Variants in MICA observed in about 807,000 individuals in gnomAD.
The protein encoded by MICA is MHC class I polypeptide-related sequence A.
A neutral mutation model predicts 34.3 loss-of-function variants in MICA; 18 were observed. The ratio of observed to expected loss-of-function variants is 0.52; its 90% CI spans 0.36 to 0.78. MICA has a LOEUF of 0.78. Among genes scored for constraint, MICA ranks in the 30% least tolerant of loss-of-function variants. The probability of loss-of-function intolerance (pLI) is 0.00; values close to 1 mark genes in which losing one functional copy is unlikely to be tolerated. For synonymous variants in MICA, 135 were observed against 156.9 expected, an observed-to-expected ratio of 0.86 and a Z score of 1.04; for missense variants, 333 against 409.4, an observed-to-expected ratio of 0.81 and a Z score of 1.61.
In MICA at chr6:31,403,827, G is replaced by C; in HGVS notation, c.70+125G>C. 1.2e-6 allele frequency: 1 copy of C among 850,502 alleles called. No individual in the cohort carries two copies. Among genetic ancestry groups the C allele is most frequent in the Non-Finnish European group, 1.8e-6 (1 of 569,974 alleles). The allele number at this position is 850,502 out of a possible 1,614,324, so 52.7% of individuals were successfully genotyped here. On this transcript the variant is annotated intron_variant, in intron 1 of 5. Transcript: ENST00000449934. This position sits in a 1 kb window ranked among gnomAD's most constrained non-coding sequence, Gnocchi z 4.7. ...TCCTGTGCCCTGTCGGTGGCGCAGG[G>C]AGCTGGACGCGGCCCGTTACCGCCA...
rs1063630 is a variant in MICA, at chr6:31,410,581, T to G, written c.109T>G (p.Trp37Gly). 0.19 allele frequency: 301,335 copies of G among 1,612,920 alleles called. 33,962 individuals are homozygous for G. Among genetic ancestry groups the G allele is most frequent in the African/African-American group, 0.37 (27,686 of 74,696 alleles). The change falls in exon 2 of 6, where the codon TGG becomes GGG. Residue 37 changes from tryptophan to glycine, a missense_variant. Transcript: ENST00000449934. Reference protein sequence around the residue: ...SLRYNLTVLSWDGSVQSGFLA... With the variant: ...SLRYNLTVLSGDGSVQSGFLA... ...TCGTTATAACCTCACGGTGCTGTCCTGGGATGGATCTGTGCAGTCAGGGTT... is the reference window on the plus strand; with the variant it reads ...TCGTTATAACCTCACGGTGCTGTCCGGGGATGGATCTGTGCAGTCAGGGTT...
At chr6:31,410,868 C>G (rs17200235) in intron 2 of MICA, 71 bp downstream of exon 2, 5 of 1,506,458 alleles carry the variant, frequency 3.3e-6, no homozygotes, top group Admixed American at 4.3e-5. Context: ...AGAGCAGGGA[C>G]CTGTCTCTTC....
intron 5 of MICA, among the ~76,000 whole-genome samples, chr6:31,412,991 G>A (rs1337797822): frequency 5.9e-5 from 9 of 151,602 alleles, no homozygotes; most frequent in Non-Finnish European, 8.8e-5. Flanking sequence ...ATGAGGCCCA[G>A]CCTGGGGGCC....
Position 31,412,126 on chromosome 6 carries a change from C to A in MICA, c.793C>A (p.Gln265Lys), listed in dbSNP as rs771582156. ...CCTGCCTGATGGGAATGGAACCTAC[C>A]AGACCTGGGTGGCCACCAGGATTTG... ...DVLPDGNGTY[Q>K]TWVATRICRG... Residue 265 changes from glutamine to lysine, a missense_variant, in exon 4 of 6, where the codon CAG becomes AAG. Physicochemically the swap from Gln to Lys is moderately conservative, Grantham distance 53 (BLOSUM62 1). Coordinates refer to ENST00000449934, the MANE Select transcript of MICA (RefSeq NM_001177519.3). The A allele has an allele frequency of 1.2e-6, 2 of 1,612,986 alleles. No individual in the cohort carries two copies. Among genetic ancestry groups the A allele is most frequent in the Non-Finnish European group, 1.7e-6 (2 of 1,179,916 alleles).
chr6:31,403,477 C>T (rs1403442116), upstream of MICA: 4 of 574,792 alleles, frequency 7.0e-6, no homozygotes, highest in South Asian at 2.5e-5. This position sits in a 1 kb window ranked among gnomAD's most constrained non-coding sequence, Gnocchi z 4.7. Flanking sequence ...CTCTTCCAAG[C>T]GTGGCCCCGC....
upstream of MICA, among the ~76,000 whole-genome samples, chr6:31,403,131 GC>G (rs1329647456): frequency 1.3e-5 from 2 of 151,872 alleles, no homozygotes; most frequent in Non-Finnish European, 2.9e-5. This position sits in a 1 kb window ranked among gnomAD's most constrained non-coding sequence, Gnocchi z 4.7. Flanking sequence ...TGGTCTCATT[GC>G]CAGTAACGCT....
chr6:31,412,526 G>C (rs1053521173), intron 5 of MICA, 66 bp downstream of exon 5: 12 of 1,004,034 alleles, frequency 1.2e-5, no homozygotes, highest in Admixed American at 5.2e-5. Context: ...TCCCCTCATT[G>C]CTCCTGCAAA....
rs1188647529 is a variant in MICA, at chr6:31,410,789, A to G, written c.317A>G (p.Gln106Arg). ...ATGACCCTGGCTCATATCAAGGACC[A>G]GAAAGAAGGTGAGAGTCGGCAGGGG... ...LRMTLAHIKD[Q>R]KEGLHSLQEI... Residue 106 changes from glutamine (Q) to arginine (R), a missense_variant, in exon 2 of 6, where the codon CAG becomes CGG. Physicochemically the swap from Gln to Arg is conservative, Grantham distance 43. Coordinates refer to ENST00000449934, the MANE Select transcript of MICA (RefSeq NM_001177519.3). 1 of 1,564,356 alleles carries G rather than the reference A, an allele frequency of 6.4e-7. No individual in the cohort carries two copies. The highest frequency in any genetic ancestry group is 8.7e-7 in the Non-Finnish European group (1 of 1,154,392).
chr6:31,412,319 T>C lies in MICA; in HGVS notation c.893-6T>C. On this transcript the variant is annotated splice_region_variant and splice_polypyrimidine_tract_variant and intron_variant, in intron 4 of 5. Transcript: ENST00000449934. The stretch of plus-strand genomic sequence containing the variant: ...GCCCAGTGTATAACAAGTCCCTTTT[T>C]TTCAGGGAAAGTGCTGGTGCTTCAG... 1 of 1,604,488 alleles carries C rather than the reference T, an allele frequency of 6.2e-7. No homozygotes were observed. The highest frequency in any genetic ancestry group is 8.5e-7 in the Non-Finnish European group (1 of 1,177,052).
chr6:31,411,044 T>C lies in MICA; in HGVS notation c.326-28T>C. On this transcript the variant is annotated intron_variant, in intron 2 of 5. Transcript: ENST00000449934. This position sits in a 1 kb window ranked among gnomAD's most constrained non-coding sequence, Gnocchi z 4.3. ...GGTGGAAAGGTGATGGGTTCGGGAA[T>C]GGAGAAGTCACTGCTGGGTGGGGGC... 1 of 1,551,914 alleles carries C rather than the reference T, an allele frequency of 6.4e-7. No individual in the cohort carries two copies. Among genetic ancestry groups the C allele is most frequent in the South Asian group, 1.2e-5 (1 of 82,582 alleles).
At chr6:31,407,793 A>T (rs2113736383) in intron 1 of MICA, among the ~76,000 whole-genome samples, 1 of 152,004 alleles carries the variant, frequency 6.6e-6, no homozygotes, top group South Asian at 2.1e-4. Context: ...TGATCTGCAA[A>T]CAAGGATAAT....
upstream of MICA, among the ~76,000 whole-genome samples, chr6:31,401,340 C>A (rs1264116702): frequency 6.6e-6 from 1 of 151,776 alleles, no homozygotes; most frequent in Non-Finnish European, 1.5e-5. Flanking sequence ...TGTTAAAATT[C>A]TCGAATACAT....
At position 31,411,471 on chromosome 6, in the gene MICA, G is replaced by C; in HGVS notation, c.613+112G>C. On this transcript the variant is annotated intron_variant, in intron 3 of 5. Transcript: ENST00000449934. This position sits in a 1 kb window ranked among gnomAD's most constrained non-coding sequence, Gnocchi z 4.3. The stretch of plus-strand genomic sequence containing the variant: ...TGTGCTATGGATGAAGGCATTTCCT[G>C]TTGGCACATCGTGTCCTGATTTTCC... 1 of 1,098,298 alleles carries C rather than the reference G, an allele frequency of 9.1e-7. No individual in the cohort carries two copies. Among genetic ancestry groups the C allele is most frequent in the Non-Finnish European group, 1.3e-6 (1 of 787,084 alleles). The allele number at this position is 1,098,298 out of a possible 1,614,324, so 68.0% of individuals were successfully genotyped here.
At chr6:31,414,809 G>A (rs1002630625) in intron 5 of MICA, among the ~76,000 whole-genome samples, 25 of 151,990 alleles carry the variant, frequency 1.6e-4, no homozygotes, top group Admixed American at 5.9e-4. Context: ...CACAGGGCAC[G>A]GGCTGATGTT....
At chr6:31,412,514 G>A in intron 5 of MICA, 54 bp downstream of exon 5, 1 of 1,144,444 alleles carries the variant, frequency 8.7e-7, no homozygotes, top group South Asian at 1.4e-5. Flanking sequence ...TGGGCAGTAG[G>A]GTCCCCTCAT....
chr6:31,410,838 T>C, intron 2 of MICA, 41 bp downstream of exon 2: 2 of 1,535,822 alleles, frequency 1.3e-6, no homozygotes, highest in Admixed American at 2.0e-5. Flanking sequence ...AGAGGCCTTT[T>C]CCAGAAAAGT....
chr6:31,409,321 G>A (rs951696681), intron 1 of MICA, among the ~76,000 whole-genome samples: 2 of 151,496 alleles, frequency 1.3e-5, no homozygotes, highest in African/African-American at 4.9e-5. Context: ...GTGTGTGTGT[G>A]TATGTGTGTG....
At chr6:31,406,986 G>A (rs1441262028) in intron 1 of MICA, among the ~76,000 whole-genome samples, 1 of 151,870 alleles carries the variant, frequency 6.6e-6, no homozygotes, top group African/African-American at 2.4e-5. Flanking sequence ...CAGATAATGT[G>A]ATTCCTCTAG....
rs748431723 is a variant in MICA at position 31,412,474 on chromosome 6, G to A, written c.*29+14G>A. On this transcript the variant is annotated intron_variant, in intron 5 of 5. Coordinates refer to ENST00000449934, the MANE Select transcript of MICA (RefSeq NM_001177519.3). Reference sequence around the variant, plus strand: ...CAGAGGGTCCAGGTGAGAAAAGCGGGCAGTTTCTGGAGATGGTAAGGCCCC... The same window carrying A: ...CAGAGGGTCCAGGTGAGAAAAGCGGACAGTTTCTGGAGATGGTAAGGCCCC... 1.0e-4 allele frequency: 152 copies of A among 1,521,488 alleles called. No homozygotes were observed. The highest frequency in any genetic ancestry group is 1.3e-4 in the Non-Finnish European group (147 of 1,118,496). 94.2% of individuals were successfully genotyped at this position (1,521,488 alleles called of 1,614,324 possible). A position where few individuals can be genotyped will look rare whatever the true frequency, so the allele number is the denominator to read the frequency against.
Sources: allele counts gnomAD v4.1 joint callset (sites outside exome capture counted in the v4.1 genomes callset), GRCh38; gene constraint gnomAD v4.1.1; non-coding constraint Gnocchi (gnomAD v3.1); transcripts MANE v1.5; gene names NCBI Gene and HGNC (gene_info 2026-07-23, HGNC 2026-07-21).